Variants in DIAPH3 observed in about 807,000 individuals in gnomAD.
DIAPH3 encodes the protein protein diaphanous homolog 3.
DIAPH3 carries 117 observed loss-of-function variants against 144.3 expected under a neutral mutation model. The observed-to-expected ratio is 0.81, with a 90% CI of 0.70 to 0.95. The LOEUF (loss-of-function observed/expected upper bound fraction) is 0.95, where lower values mean the gene tolerates loss of function less well. Ranked by LOEUF, DIAPH3 falls within the 40% of genes least tolerant of loss-of-function variation. The pLI is 0.00. For missense variants in DIAPH3, 1,421 were observed against 1,412.7 expected, an observed-to-expected ratio of 1.01 and a Z score of -0.09; for synonymous variants, 519 against 488.9, an observed-to-expected ratio of 1.06 and a Z score of -0.81.
At chr13:59,829,303 A>G (rs569841081) in intron 24 of DIAPH3, among the ~76,000 whole-genome samples, 1 of 152,012 alleles carries the variant, frequency 6.6e-6, no homozygotes, top group African/African-American at 2.4e-5. Context: ...CTTTTCTTCT[A>G]TTGGGAGAGG....
chr13:60,097,776 AAGAAAAAAAAAAAG>A (rs1323637797), intron 3 of DIAPH3, among the ~76,000 whole-genome samples: 2 of 150,678 alleles, frequency 1.3e-5, no homozygotes, highest in Non-Finnish European at 1.5e-5. Context: ...CCCTTTAAAA[AAGAAAAAAAAAAAG>A]AGAGAGAGAG....
intron 17 of DIAPH3, among the ~76,000 whole-genome samples, chr13:59,943,725 T>C (rs141504572): frequency 4.0e-4 from 61 of 152,298 alleles, no homozygotes; most frequent in African/African-American, 1.4e-3. Context: ...TAATCATTTA[T>C]ATAAAGTGAA....
chr13:59,726,733 T>A (rs1712347446), intron 27 of DIAPH3, among the ~76,000 whole-genome samples: 2 of 152,184 alleles, frequency 1.3e-5, no homozygotes, highest in South Asian at 4.1e-4. Flanking sequence ...ACATTTTAGT[T>A]TTCAACTGAT....
At chr13:59,708,632 C>G (rs1044934477) in intron 27 of DIAPH3, among the ~76,000 whole-genome samples, 6 of 152,092 alleles carry the variant, frequency 3.9e-5, no homozygotes, top group Non-Finnish European at 7.3e-5. Context: ...TCCTGAGCCC[C>G]AAATGTCCGT....
intron 18 of DIAPH3, among the ~76,000 whole-genome samples, chr13:59,923,589 AG>A (rs35022848): frequency 6.6e-6 from 1 of 152,130 alleles, no homozygotes; most frequent in Admixed American, 6.6e-5. Flanking sequence ...TCTGGGTGCC[AG>A]GGGGAGCTTC....
intron 27 of DIAPH3, among the ~76,000 whole-genome samples, chr13:59,752,423 A>G (rs1593753727): frequency 6.7e-6 from 1 of 150,172 alleles, no homozygotes; most frequent in African/African-American, 2.5e-5. Flanking sequence ...GCTGGAGAGC[A>G]GTGGTACTAT....
intron 17 of DIAPH3, among the ~76,000 whole-genome samples, chr13:59,950,412 C>T (rs888089230): frequency 3.9e-5 from 6 of 152,150 alleles, no homozygotes; most frequent in African/African-American, 1.4e-4. Flanking sequence ...ACTCATCCAT[C>T]CAACAAGCTT....
intron 17 of DIAPH3, among the ~76,000 whole-genome samples, chr13:59,962,967 T>C (rs896576389): frequency 1.3e-5 from 2 of 152,288 alleles, no homozygotes; most frequent in Admixed American, 6.5e-5. Context: ...TTACCTATAA[T>C]TGAAGAAAAA....
intron 21 of DIAPH3, among the ~76,000 whole-genome samples, chr13:59,876,764 T>C (rs2044654795): frequency 6.6e-6 from 1 of 152,186 alleles, no homozygotes; most frequent in Non-Finnish European, 1.5e-5. Context: ...AATTCTGAGA[T>C]GTAAAACCTA....
intron 3 of DIAPH3, among the ~76,000 whole-genome samples, chr13:60,099,303 C>G (rs954074426): frequency 3.3e-5 from 5 of 152,210 alleles, no homozygotes; most frequent in Non-Finnish European, 5.9e-5. Context: ...CCTCAGAACA[C>G]TTACATTGGC....
chr13:59,798,524 C>T (rs1185791592), intron 25 of DIAPH3, among the ~76,000 whole-genome samples: 1 of 152,218 alleles, frequency 6.6e-6, no homozygotes, highest in East Asian at 1.9e-4. Flanking sequence ...CACAGAAACT[C>T]TGGCCCTTCA....
intron 5 of DIAPH3, among the ~76,000 whole-genome samples, chr13:60,019,108 A>C (rs2053842534): frequency 6.6e-6 from 1 of 152,164 alleles, no homozygotes; most frequent in African/African-American, 2.4e-5. Context: ...GTTCAAGATA[A>C]AAAGTGATAT....
At position 59,666,415 on chromosome 13, in the gene DIAPH3, A is replaced by G. The variant is rs1001093938; in HGVS notation, c.*169T>C. On this transcript the variant is annotated 3_prime_UTR_variant, in exon 28 of 28. Coordinates refer to ENST00000400324, the MANE Select transcript of DIAPH3 (RefSeq NM_001042517.2). ...CAATCTTGAATAAACCAAAACCTCC[A>G]GTACATAGAAAAAGCATTGCAATCA... The G allele has an allele frequency of 2.6e-6, 2 of 765,404 alleles. No individual in the cohort carries two copies. The highest frequency in any genetic ancestry group is 3.1e-5 in the Admixed American group (1 of 31,820). The allele number at this position is 765,404 out of a possible 1,614,324, so 47.4% of individuals were successfully genotyped here. A position where few individuals can be genotyped will look rare whatever the true frequency, so the allele number is the denominator to read the frequency against.
intron 4 of DIAPH3, among the ~76,000 whole-genome samples, chr13:60,063,296 G>T (rs1364172849): frequency 6.6e-6 from 1 of 152,084 alleles, no homozygotes; most frequent in Non-Finnish European, 1.5e-5. Context: ...ACATCTTCAG[G>T]CTCCACCTCT....
intron 20 of DIAPH3, among the ~76,000 whole-genome samples, chr13:59,895,185 A>T (rs1202047381): frequency 6.6e-6 from 1 of 152,228 alleles, no homozygotes; most frequent in Non-Finnish European, 1.5e-5. Flanking sequence ...ACAAATTCCT[A>T]GATTTTCCTT....
chr13:60,146,421 A>T (rs1468493239), intron 1 of DIAPH3, among the ~76,000 whole-genome samples: 1 of 152,254 alleles, frequency 6.6e-6, no homozygotes, highest in Non-Finnish European at 1.5e-5. Context: ...TGCCTGCCAG[A>T]GCTAAACATA....
chr13:59,729,113 G>A (rs913837808), intron 27 of DIAPH3, among the ~76,000 whole-genome samples: 1 of 152,176 alleles, frequency 6.6e-6, no homozygotes, highest in Admixed American at 6.5e-5. Context: ...AAGAAGAGAG[G>A]CATCAGAATT....
chr13:60,104,700 A>G (rs1471717011), intron 3 of DIAPH3, among the ~76,000 whole-genome samples: 1 of 152,152 alleles, frequency 6.6e-6, no homozygotes, highest in Non-Finnish European at 1.5e-5. Context: ...GCACAACTCT[A>G]ATTTATTCTG....
At chr13:59,934,207 T>C (rs1429102457) in intron 17 of DIAPH3, among the ~76,000 whole-genome samples, 2 of 152,180 alleles carry the variant, frequency 1.3e-5, no homozygotes, top group African/African-American at 4.8e-5. Flanking sequence ...ACTCTGCTTT[T>C]GTTGGTGCTC....
Sources: allele counts gnomAD v4.1 joint callset (sites outside exome capture counted in the v4.1 genomes callset), GRCh38; gene constraint gnomAD v4.1.1; transcripts MANE v1.5; gene names NCBI Gene and HGNC (gene_info 2026-07-23, HGNC 2026-07-21).